Variants in PDE1B observed in about 807,000 individuals in gnomAD.
The protein encoded by PDE1B is phosphodiesterase 1B.
A neutral mutation model predicts 66.7 loss-of-function variants in PDE1B; 13 were observed. That is an observed-to-expected ratio of 0.19 (90% CI 0.13 to 0.31). The LOEUF is 0.31. Among genes scored for constraint, PDE1B ranks in the 10% least tolerant of loss-of-function variants. PDE1B has a pLI of 1.00. For missense variants in PDE1B, 485 were observed against 682.3 expected (o/e 0.71, Z 3.22); for synonymous variants, 230 against 253.9 (o/e 0.91, Z 0.90).
intron 2 of PDE1B, chr12:54,550,195 G>A: frequency 7.1e-7 from 1 of 1,405,452 alleles, no homozygotes; most frequent in Non-Finnish European, 9.3e-7. Flanking sequence ...GCGGGCTTAG[G>A]AGTTGCAAAG....
chr12:54,560,139 A>G (rs1957387030), intron 2 of PDE1B, among the ~76,000 whole-genome samples: 1 of 152,132 alleles, frequency 6.6e-6, no homozygotes, highest in African/African-American at 2.4e-5. Flanking sequence ...GAACAGCCTT[A>G]AGATATTTGA....
At chr12:54,577,014 T>C in intron 14 of PDE1B, 1 of 613,858 alleles carries the variant, frequency 1.6e-6, no homozygotes. Context: ...GGGAAATCTC[T>C]TCCTGTGTGA....
At chr12:54,574,993 A>G in intron 10 of PDE1B, 105 bp from the exon 11 acceptor site, 3 of 871,054 alleles carry the variant, frequency 3.4e-6, no homozygotes, top group Non-Finnish European at 5.2e-6. Flanking sequence ...AAAAAAAAAA[A>G]GGAAGAAGTT....
In PDE1B at chr12:54,575,817, G is replaced by A; in HGVS notation, c.1268-175G>A. ...CTGCAATGGCAGGAAGGAGCTCTCT[G>A]GGGCACCAAGACATCATCCCAAAGC... On this transcript the variant is annotated intron_variant, in intron 12 of 15. Coordinates refer to ENST00000243052, the MANE Select transcript of PDE1B (RefSeq NM_000924.4). This position sits in a 1 kb window ranked among gnomAD's most constrained non-coding sequence, Gnocchi z 4.0. 1 of 718,156 alleles carries A rather than the reference G, an allele frequency of 1.4e-6. No homozygotes were observed. The highest frequency in any genetic ancestry group is 2.5e-6 in the Non-Finnish European group (1 of 406,526). 44.5% of individuals were successfully genotyped at this position (718,156 alleles called of 1,614,324 possible).
rs188191717 is a variant in PDE1B at position 54,573,749 on chromosome 12, G to A, written c.1064+40G>A. The A allele has an allele frequency of 4.5e-3, 6,735 of 1,482,418 alleles. 66 individuals are homozygous for A. Among genetic ancestry groups the A allele is most frequent in the Non-Finnish European group, 3.8e-3 (4,039 of 1,061,044 alleles). 91.8% of individuals were successfully genotyped at this position (1,482,418 alleles called of 1,614,324 possible). ...GGTGTGGCTGGGGCCAGGCCAGAGG[G>A]AGGGGTGTGTGAACTGGGGGGGTAT... On this transcript the variant is annotated intron_variant, in intron 10 of 15. Coordinates refer to ENST00000243052, the MANE Select transcript of PDE1B (RefSeq NM_000924.4). The surrounding 1 kb of genome is among the most constrained non-coding windows in gnomAD (Gnocchi z 5.2).
intron 2 of PDE1B, among the ~76,000 whole-genome samples, chr12:54,558,295 C>T (rs919365804): frequency 6.6e-6 from 1 of 152,050 alleles, no homozygotes; most frequent in African/African-American, 2.4e-5. Context: ...CTGTCCTTCC[C>T]CCACTATCTT....
chr12:54,560,159 C>T (rs959835113), intron 2 of PDE1B, among the ~76,000 whole-genome samples: 1 of 152,202 alleles, frequency 6.6e-6, no homozygotes, highest in Non-Finnish European at 1.5e-5. Flanking sequence ...ACTTCCACTC[C>T]TCTTGTTGAG....
chr12:54,575,824 C>A lies in PDE1B; in HGVS notation c.1268-168C>A. On this transcript the variant is annotated intron_variant, in intron 12 of 15. Coordinates refer to ENST00000243052, the MANE Select transcript of PDE1B (RefSeq NM_000924.4). The surrounding 1 kb of genome is among the most constrained non-coding windows in gnomAD (Gnocchi z 4.0). ...GGCAGGAAGGAGCTCTCTGGGGCAC[C>A]AAGACATCATCCCAAAGCCTGCCCT... 1 of 725,476 alleles carries A rather than the reference C, an allele frequency of 1.4e-6. No individual in the cohort carries two copies. Among genetic ancestry groups the A allele is most frequent in the Non-Finnish European group, 2.4e-6 (1 of 411,700 alleles). The allele number at this position is 725,476 out of a possible 1,614,324, so 44.9% of individuals were successfully genotyped here.
intron 2 of PDE1B, among the ~76,000 whole-genome samples, chr12:54,552,981 GCTCATTTA>G (rs1957297723): frequency 6.6e-6 from 1 of 152,236 alleles, no homozygotes; most frequent in Non-Finnish European, 1.5e-5. Flanking sequence ...GCCATCCTCA[GCTCATTTA>G]TTTATCCAAC....
Position 54,577,221 on chromosome 12 carries a change from A to G in PDE1B, c.1508-4A>G, listed in dbSNP as rs1957772723. On this transcript the variant is annotated splice_region_variant and splice_polypyrimidine_tract_variant and intron_variant, in intron 14 of 15. Coordinates refer to ENST00000243052, the MANE Select transcript of PDE1B (RefSeq NM_000924.4). The stretch of plus-strand genomic sequence containing the variant: ...AGCTCAGCCTCCTTTATGCTCCTCT[A>G]CAGGCATCACCAACCAGATGTCCAT... 3 of 1,612,524 alleles carry G rather than the reference A, an allele frequency of 1.9e-6. No homozygotes were observed. The East Asian group carries it at 6.7e-5, about 36-fold the overall frequency.
chr12:54,578,769 G>A lies in PDE1B; in HGVS notation c.*927G>A, dbSNP rs1332460820. Reference sequence around the variant, plus strand: ...GGTTAGGGTCAAGGGTGCCTGGGGAGGGTGAGTAATCCTGCATTGCTAAAA... The same window carrying A: ...GGTTAGGGTCAAGGGTGCCTGGGGAAGGTGAGTAATCCTGCATTGCTAAAA... On this transcript the variant is annotated 3_prime_UTR_variant, in exon 16 of 16. Transcript: ENST00000243052. The A allele has an allele frequency of 6.6e-6, 1 of 152,306 alleles. No individual in the cohort carries two copies. The highest frequency in any genetic ancestry group is 6.5e-5 in the Admixed American group (1 of 15,268). The allele number at this position is 152,306 out of a possible 1,614,324, so 9.4% of individuals were successfully genotyped here. A position where few individuals can be genotyped will look rare whatever the true frequency, so the allele number is the denominator to read the frequency against.
At chr12:54,574,991 AAAG>A in intron 10 of PDE1B, 104 bp from the exon 11 acceptor site, 1 of 970,520 alleles carries the variant, frequency 1.0e-6, no homozygotes, top group Non-Finnish European at 1.5e-6. Flanking sequence ...AAAAAAAAAA[AAAG>A]GAAGAAGTTA....
Position 54,575,683 on chromosome 12 carries a change from CT to C in PDE1B, c.1267+52del. On this transcript the variant is annotated intron_variant, in intron 12 of 15. Coordinates refer to ENST00000243052, the MANE Select transcript of PDE1B (RefSeq NM_000924.4). The surrounding 1 kb of genome is among the most constrained non-coding windows in gnomAD (Gnocchi z 4.0). ...GGAGGACTGGGAGGGGGAAAAGATG[CT>C]GCCTGGGTCAGGATTGCTCCAAGTC... is the stretch of plus-strand genomic sequence containing the variant. 7.8e-7 allele frequency: 1 copy of C among 1,280,576 alleles called. No homozygotes were observed. The highest frequency in any genetic ancestry group is 1.1e-6 in the Non-Finnish European group (1 of 883,876). The allele number at this position is 1,280,576 out of a possible 1,614,324, so 79.3% of individuals were successfully genotyped here.
At chr12:54,572,939 A>G (rs1326506374) in intron 7 of PDE1B, among the ~76,000 whole-genome samples, 198 bp downstream of exon 7, 4 of 152,182 alleles carry the variant, frequency 2.6e-5, no homozygotes, top group African/African-American at 9.6e-5. Flanking sequence ...TGCTAGGGAC[A>G]TGTGCTGGGA....
intron 2 of PDE1B, among the ~76,000 whole-genome samples, chr12:54,558,510 G>A (rs573736087): frequency 1.3e-5 from 2 of 152,306 alleles, no homozygotes; most frequent in South Asian, 4.1e-4. Flanking sequence ...CAGAACTGGG[G>A]CTTTCTGTAT....
At chr12:54,561,628 C>A in intron 2 of PDE1B, 1 of 1,533,352 alleles carries the variant, frequency 6.5e-7, no homozygotes, top group Non-Finnish European at 8.7e-7. Flanking sequence ...CTCCAGGGCC[C>A]CATTCTCAGG....
rs1221951862 is a variant in PDE1B at position 54,578,395 on chromosome 12, G to A, written c.*553G>A. 6.6e-6 allele frequency: 1 copy of A among 152,102 alleles called. No individual in the cohort carries two copies. Among genetic ancestry groups the A allele is most frequent in the Non-Finnish European group, 1.5e-5 (1 of 68,030 alleles). 9.4% of individuals were successfully genotyped at this position (152,102 alleles called of 1,614,324 possible). A position where few individuals can be genotyped will look rare whatever the true frequency, so the allele number is the denominator to read the frequency against. On this transcript the variant is annotated 3_prime_UTR_variant, in exon 16 of 16. Transcript: ENST00000243052. ...AGGGGAGTGGATTCCTTCAGGGCATGGTACCTTTCTAGGACCTGGGAATGG... is the reference window on the plus strand; with the variant it reads ...AGGGGAGTGGATTCCTTCAGGGCATAGTACCTTTCTAGGACCTGGGAATGG...
chr12:54,549,741 A>T lies in PDE1B; in HGVS notation c.-45A>T. The T allele has an allele frequency of 3.0e-6, 2 of 660,914 alleles. No individual in the cohort carries two copies. The highest frequency in any genetic ancestry group is 5.4e-5 in the East Asian group (2 of 36,994). The allele number at this position is 660,914 out of a possible 1,614,324, so 40.9% of individuals were successfully genotyped here. A position where few individuals can be genotyped will look rare whatever the true frequency, so the allele number is the denominator to read the frequency against. Reference sequence around the variant, plus strand: ...CTGCCAGCTTGGGCCGAGCCTAGAGACACCGGCCTGGCTGGTCCACGCCAG... The same window carrying T: ...CTGCCAGCTTGGGCCGAGCCTAGAGTCACCGGCCTGGCTGGTCCACGCCAG... On this transcript the variant is annotated 5_prime_UTR_variant, in exon 1 of 16. Coordinates refer to ENST00000243052, the MANE Select transcript of PDE1B (RefSeq NM_000924.4).
At chr12:54,560,126 A>G (rs1957386816) in intron 2 of PDE1B, among the ~76,000 whole-genome samples, 1 of 152,160 alleles carries the variant, frequency 6.6e-6, no homozygotes, top group African/African-American at 2.4e-5. Context: ...GGTGTTCACT[A>G]GAGAACAGCC....
Sources: allele counts gnomAD v4.1 joint callset (sites outside exome capture counted in the v4.1 genomes callset), GRCh38; gene constraint gnomAD v4.1.1; non-coding constraint Gnocchi (gnomAD v3.1); transcripts MANE v1.5; gene names NCBI Gene and HGNC (gene_info 2026-07-23, HGNC 2026-07-21).